ABTB3: variants seen among roughly 807,000 people sequenced by gnomAD.
ABTB3 encodes ankyrin repeat- and BTB/POZ domain-containing protein 3.
the ABTB3 span, among the ~76,000 whole-genome samples, chr12:107,574,499 G>A: frequency 6.6e-6 from 1 of 152,286 alleles, no homozygotes; most frequent in Non-Finnish European, 1.5e-5. Flanking sequence ...AAGGCAGGTG[G>A]ATGACCTGAG....
At chr12:107,347,853 C>T in the ABTB3 span, among the ~76,000 whole-genome samples, 1 of 151,986 alleles carries the variant, frequency 6.6e-6, no homozygotes, top group East Asian at 1.9e-4. Flanking sequence ...TGCAGTTGGC[C>T]ACAAAGGACA....
the ABTB3 span, among the ~76,000 whole-genome samples, chr12:107,552,507 A>G: frequency 4.6e-5 from 7 of 152,324 alleles, no homozygotes; most frequent in Middle Eastern, 3.4e-3. Flanking sequence ...TTCACAATAT[A>G]GGATCCAGAT....
the ABTB3 span, among the ~76,000 whole-genome samples, chr12:107,633,755 A>C: frequency 2.6e-5 from 4 of 152,246 alleles, no homozygotes; most frequent in African/African-American, 9.6e-5. Flanking sequence ...AACCCATGAC[A>C]GAATTTCAGT....
At chr12:107,581,266 G>A in the ABTB3 span, 6 of 1,505,964 alleles carry the variant, frequency 4.0e-6, no homozygotes, top group Non-Finnish European at 3.5e-6. Context: ...CGGCCCGGCT[G>A]CTGCTGCCCG....
the ABTB3 span, among the ~76,000 whole-genome samples, chr12:107,526,652 ACTT>A: frequency 1.3e-5 from 2 of 151,924 alleles, no homozygotes; most frequent in African/African-American, 4.8e-5. Context: ...AAAAATGAGG[ACTT>A]CTTCTAAAAT....
chr12:107,645,171 C>T, the ABTB3 span, among the ~76,000 whole-genome samples: 3 of 151,922 alleles, frequency 2.0e-5, no homozygotes, highest in South Asian at 2.1e-4. Flanking sequence ...TTTTCCATGT[C>T]GGCCAGGCTG....
At chr12:107,385,048 C>T in the ABTB3 span, among the ~76,000 whole-genome samples, 1 of 152,232 alleles carries the variant, frequency 6.6e-6, no homozygotes, top group Non-Finnish European at 1.5e-5. Context: ...CAGCACTTCT[C>T]CCTGGACTGG....
the ABTB3 span, among the ~76,000 whole-genome samples, chr12:107,455,745 G>A: frequency 2.6e-5 from 4 of 152,160 alleles, no homozygotes; most frequent in Non-Finnish European, 4.4e-5. Context: ...TCTGGACTGG[G>A]CTCTCTCACA....
At chr12:107,649,217 G>C in the ABTB3 span, 1 of 1,612,972 alleles carries the variant, frequency 6.2e-7, no homozygotes, top group Non-Finnish European at 8.5e-7. Flanking sequence ...TGGTTATGCA[G>C]TATCTCTACT....
the ABTB3 span, among the ~76,000 whole-genome samples, chr12:107,454,743 G>C: frequency 6.6e-6 from 1 of 152,190 alleles, no homozygotes; most frequent in Non-Finnish European, 1.5e-5. Context: ...AGGGCTGCAT[G>C]CTGGGGGAGC....
At chr12:107,552,901 A>T in the ABTB3 span, among the ~76,000 whole-genome samples, 1 of 152,192 alleles carries the variant, frequency 6.6e-6, no homozygotes, top group Admixed American at 6.5e-5. Flanking sequence ...GCATATAGTA[A>T]GTGCTCAATA....
the ABTB3 span, among the ~76,000 whole-genome samples, chr12:107,449,489 C>A: frequency 6.6e-6 from 1 of 152,278 alleles, no homozygotes; most frequent in Non-Finnish European, 1.5e-5. Flanking sequence ...GAGGAAGGTT[C>A]CCCTGCCCCC....
the ABTB3 span, chr12:107,658,234 A>G: frequency 5.0e-4 from 78 of 155,358 alleles, no homozygotes; most frequent in African/African-American, 1.8e-3. Flanking sequence ...AAAAAAAACA[A>G]AAACAGGGCA....
the ABTB3 span, among the ~76,000 whole-genome samples, chr12:107,385,500 C>G: frequency 5.3e-5 from 8 of 152,228 alleles, no homozygotes; most frequent in African/African-American, 1.9e-4. Context: ...TAATTGATGA[C>G]AGGCTGACTT....
At chr12:107,426,566 C>T in the ABTB3 span, among the ~76,000 whole-genome samples, 24 of 152,188 alleles carry the variant, frequency 1.6e-4, no homozygotes, top group African/African-American at 5.1e-4. Flanking sequence ...TCCTCTGCAG[C>T]GCCCCACCTG....
At chr12:107,648,771 G>C in the ABTB3 span, among the ~76,000 whole-genome samples, 2 of 152,100 alleles carry the variant, frequency 1.3e-5, no homozygotes, top group Non-Finnish European at 2.9e-5. Flanking sequence ...GGCCATGTTC[G>C]CAGGGGAACA....
chr12:107,354,381 C>T, the ABTB3 span, among the ~76,000 whole-genome samples: 1 of 152,114 alleles, frequency 6.6e-6, no homozygotes, highest in East Asian at 1.9e-4. Flanking sequence ...AGCAGTCATA[C>T]TCCCCCAATT....
the ABTB3 span, chr12:107,543,858 C>A: frequency 7.3e-7 from 1 of 1,372,384 alleles, no homozygotes; most frequent in East Asian, 2.5e-5. Context: ...ACCAGGGTCT[C>A]CACAGAGATC....
the ABTB3 span, among the ~76,000 whole-genome samples, chr12:107,447,225 C>T: frequency 1.3e-5 from 2 of 152,182 alleles, no homozygotes; most frequent in African/African-American, 2.4e-5. Context: ...TCAATGCAAC[C>T]TCCACCTCCC....
Sources: allele counts gnomAD v4.1 joint callset (sites outside exome capture counted in the v4.1 genomes callset), GRCh38; gene constraint gnomAD v4.1.1; transcripts MANE v1.5; gene names NCBI Gene and HGNC (gene_info 2026-07-23, HGNC 2026-07-21).